Variants in QTMAN observed in about 807,000 individuals in gnomAD.
QTMAN encodes the protein queuosine-tRNA mannosyltransferase, also known as tRNA-queuosine alpha-mannosyltransferase.
At chr2:144,276,704 T>G in the QTMAN span, among the ~76,000 whole-genome samples, 8,717 of 152,260 alleles carry the variant, frequency 0.057, 366 homozygotes, top group South Asian at 0.16. Context: ...GAAACGACAA[T>G]GATAAACAGT....
At chr2:144,034,534 A>G in the QTMAN span, among the ~76,000 whole-genome samples, 4 of 152,204 alleles carry the variant, frequency 2.6e-5, no homozygotes, top group African/African-American at 9.7e-5. Flanking sequence ...ATTGCAAGAG[A>G]ATGAGAGATG....
At chr2:144,188,508 C>CGGATGGAT in the QTMAN span, among the ~76,000 whole-genome samples, 872 of 148,744 alleles carry the variant, frequency 5.9e-3, 6 homozygotes, top group African/African-American at 0.01. Flanking sequence ...CTTTTGCAAT[C>CGGATGGAT]GGATGGATGG....
At chr2:144,163,142 T>C in the QTMAN span, among the ~76,000 whole-genome samples, 2 of 152,242 alleles carry the variant, frequency 1.3e-5, no homozygotes, top group South Asian at 4.1e-4. Flanking sequence ...TACAAAATTA[T>C]AAATATACTA....
At chr2:144,259,570 C>T in the QTMAN span, among the ~76,000 whole-genome samples, 587 of 152,260 alleles carry the variant, frequency 3.9e-3, 3 homozygotes, top group African/African-American at 0.014. Context: ...ACCAAGCATT[C>T]TGGGGTTTTG....
At chr2:143,982,341 C>G in the QTMAN span, among the ~76,000 whole-genome samples, 1 of 151,882 alleles carries the variant, frequency 6.6e-6, no homozygotes, top group Admixed American at 6.6e-5. Context: ...AGCAATTCTC[C>G]TGTCTCAGCT....
At chr2:144,060,817 TAAACAGA>T in the QTMAN span, among the ~76,000 whole-genome samples, 1 of 152,230 alleles carries the variant, frequency 6.6e-6, no homozygotes, top group South Asian at 2.1e-4. Flanking sequence ...TCCAAGCATG[TAAACAGA>T]AATTAACAAT....
the QTMAN span, chr2:144,011,752 T>A: frequency 1.0e-6 from 1 of 985,138 alleles, no homozygotes; most frequent in Non-Finnish European, 1.2e-6. Context: ...GACGTGACTA[T>A]GCAAATAGGC....
the QTMAN span, among the ~76,000 whole-genome samples, chr2:144,325,100 C>T: frequency 6.6e-6 from 1 of 152,210 alleles, no homozygotes; most frequent in African/African-American, 2.4e-5. Flanking sequence ...TACAAGATAG[C>T]TGCTTAATAT....
the QTMAN span, among the ~76,000 whole-genome samples, chr2:143,991,751 C>T: frequency 3.4e-4 from 49 of 144,932 alleles, no homozygotes; most frequent in African/African-American, 9.0e-4. Context: ...GTCAGCCCCC[C>T]GCCCCGCCAG....
chr2:144,070,216 T>C, the QTMAN span, among the ~76,000 whole-genome samples: 1 of 152,156 alleles, frequency 6.6e-6, no homozygotes, highest in South Asian at 2.1e-4. Context: ...ACTGTTCCAC[T>C]GTTACCATCA....
chr2:143,952,858 G>C, the QTMAN span: 1 of 1,515,580 alleles, frequency 6.6e-7, no homozygotes, highest in Non-Finnish European at 9.2e-7. Context: ...AAAAATTTTA[G>C]AAAGAGGGTA....
chr2:144,145,295 G>A, the QTMAN span, among the ~76,000 whole-genome samples: 1 of 151,834 alleles, frequency 6.6e-6, no homozygotes, highest in Non-Finnish European at 1.5e-5. Context: ...ATCAAGGGGT[G>A]AAGGTCCCTG....
the QTMAN span, among the ~76,000 whole-genome samples, chr2:143,986,268 C>T: frequency 1.3e-5 from 2 of 152,180 alleles, no homozygotes; most frequent in Non-Finnish European, 2.9e-5. Flanking sequence ...TCTCTTACCT[C>T]GTCAGAATTT....
At chr2:144,222,280 C>T in the QTMAN span, among the ~76,000 whole-genome samples, 3 of 151,198 alleles carry the variant, frequency 2.0e-5, no homozygotes, top group East Asian at 2.0e-4. Flanking sequence ...AGGATGGTCT[C>T]GATCTCCTGA....
chr2:144,147,279 T>A, the QTMAN span, among the ~76,000 whole-genome samples: 17 of 151,646 alleles, frequency 1.1e-4, no homozygotes, highest in Non-Finnish European at 1.6e-4. Flanking sequence ...AAAAAAATCT[T>A]ACCAAGGAGA....
At chr2:144,181,040 TG>T in the QTMAN span, among the ~76,000 whole-genome samples, 1 of 152,178 alleles carries the variant, frequency 6.6e-6, no homozygotes, top group Admixed American at 6.6e-5. Context: ...GACATGACAT[TG>T]TATTTAATGT....
At chr2:144,175,265 A>G in the QTMAN span, among the ~76,000 whole-genome samples, 5 of 152,244 alleles carry the variant, frequency 3.3e-5, no homozygotes, top group East Asian at 9.6e-4. Context: ...TTCATTAGAT[A>G]GAACTAATAG....
chr2:143,982,687 G>A, the QTMAN span, among the ~76,000 whole-genome samples: 11 of 151,004 alleles, frequency 7.3e-5, no homozygotes, highest in South Asian at 2.1e-4. Flanking sequence ...ATGGTGAAAC[G>A]CCCTCACCTC....
the QTMAN span, among the ~76,000 whole-genome samples, chr2:144,063,920 T>C: frequency 2.6e-5 from 4 of 152,206 alleles, no homozygotes; most frequent in African/African-American, 9.6e-5. Flanking sequence ...AGTGTCATTA[T>C]TGTTGTAAGA....
Sources: allele counts gnomAD v4.1 joint callset (sites outside exome capture counted in the v4.1 genomes callset), GRCh38; gene constraint gnomAD v4.1.1; transcripts MANE v1.5; gene names NCBI Gene and HGNC (gene_info 2026-07-23, HGNC 2026-07-21).